The following SMC1B variants were observed in gnomAD, a reference collection of about 807,000 sequenced individuals.
The protein encoded by SMC1B is structural maintenance of chromosomes protein 1B.
Under a neutral mutation model 157.9 loss-of-function variants are expected in SMC1B, and 60 were observed. The observed-to-expected ratio is 0.38, with a 90% confidence interval of 0.31 to 0.47. The LOEUF is 0.47. Among genes scored for constraint, SMC1B ranks in the 20% least tolerant of loss-of-function variants. The pLI, the probability that SMC1B is intolerant of heterozygous loss-of-function variation, is 0.99. For missense variants in SMC1B, 1,165 were observed against 1,426.2 expected, an observed-to-expected ratio of 0.82 and a Z score of 2.95; for synonymous variants, 445 against 483.0, an observed-to-expected ratio of 0.92 and a Z score of 1.03.
Position 45,352,504 on chromosome 22 carries a change from C to G in SMC1B, c.3372G>C (p.Leu1124Phe), listed in dbSNP as rs369580912. The G allele has an allele frequency of 6.2e-7, 1 of 1,614,172 alleles. No homozygotes were observed. The highest frequency in any genetic ancestry group is 1.7e-5 in the Admixed American group (1 of 60,024). The part of the protein sequence containing the change: ...PGKRFMPMDN[L>F]SGGEKCVAAL... ...CTGCCACACACTTTTCTCCCCCTGACAAATTGTCCATTGGCATAAACCGTT... is the reference window on the plus strand; with the variant it reads ...CTGCCACACACTTTTCTCCCCCTGAGAAATTGTCCATTGGCATAAACCGTT... The change falls in exon 22 of 25, where the codon TTG becomes TTC. Residue 1124 changes from leucine to phenylalanine, a missense_variant. Coordinates refer to ENST00000357450, the MANE Select transcript of SMC1B (RefSeq NM_148674.5).
In SMC1B at chr22:45,386,949, T is replaced by C. The variant is rs917988005; in HGVS notation, c.1829A>G (p.Gln610Arg). The C allele has an allele frequency of 3.7e-6, 6 of 1,614,036 alleles. No individual in the cohort carries two copies. In the African/African-American group the frequency reaches 8.0e-5, roughly 22 times the overall value. Reference protein sequence around the residue: ...TQFPQLKKVIQFVCGNGLVCE... With the variant: ...TQFPQLKKVIRFVCGNGLVCE... ...AACAAGACCATTTCCACACACAAAC[T>C]GAATCACTTTCTTCAGCTGAGGAAA... Residue 610 changes from glutamine (Q) to arginine (R), a missense_variant, in exon 11 of 25, where the codon CAG becomes CGG. Physicochemically the swap from Gln to Arg is conservative, Grantham distance 43. Transcript: ENST00000357450.
At chr22:45,363,904 A>G (rs2086746898) in intron 15 of SMC1B, among the ~76,000 whole-genome samples, 1 of 151,130 alleles carries the variant, frequency 6.6e-6, no homozygotes, top group African/African-American at 2.4e-5. Flanking sequence ...GCTGGAATGC[A>G]GTGATGCGAT....
chr22:45,376,152 G>A (rs1327597065), intron 12 of SMC1B, among the ~76,000 whole-genome samples: 2 of 152,100 alleles, frequency 1.3e-5, no homozygotes. Context: ...TATCCACATT[G>A]TGTGCAAGCA....
At chr22:45,371,395 T>C in intron 14 of SMC1B, 76 bp downstream of exon 14, 3 of 1,435,708 alleles carry the variant, frequency 2.1e-6, no homozygotes, top group Non-Finnish European at 2.7e-6. Context: ...CTTTAGCATA[T>C]ATTTAAGAAG....
chr22:45,386,752 T>C (rs1249443287), intron 11 of SMC1B, 115 bp downstream of exon 11: 10 of 919,988 alleles, frequency 1.1e-5, no homozygotes, highest in Non-Finnish European at 1.4e-5. Flanking sequence ...TGGTTCTCTT[T>C]AGAAAAAAGA....
At chr22:45,411,566 TTTTA>T (rs1052177335) in intron 1 of SMC1B, among the ~76,000 whole-genome samples, 16 of 152,134 alleles carry the variant, frequency 1.1e-4, no homozygotes, top group Non-Finnish European at 4.4e-5. Context: ...GAACGGTGCA[TTTTA>T]TTTATTTATT....
intron 1 of SMC1B, among the ~76,000 whole-genome samples, chr22:45,412,070 G>T (rs893405147): frequency 1.3e-5 from 2 of 152,036 alleles, no homozygotes; most frequent in African/African-American, 4.8e-5. Flanking sequence ...GTACAGACAG[G>T]GGTTTCACTA....
intron 2 of SMC1B, 64 bp from the exon 3 acceptor site, chr22:45,406,929 C>G: frequency 8.9e-7 from 1 of 1,125,036 alleles, no homozygotes; most frequent in African/African-American, 1.6e-5. Flanking sequence ...CAAAATCCAC[C>G]GAAAGTTTAA....
chr22:45,367,169 G>T (rs1277814088), intron 15 of SMC1B, among the ~76,000 whole-genome samples: 3 of 152,098 alleles, frequency 2.0e-5, no homozygotes, highest in Non-Finnish European at 4.4e-5. Context: ...GTTTGCTATT[G>T]TTTCTTGTGG....
intron 2 of SMC1B, 70 bp from the exon 3 acceptor site, chr22:45,406,935 T>C: frequency 9.4e-7 from 1 of 1,065,092 alleles, no homozygotes; most frequent in South Asian, 1.9e-5. Context: ...CCACCGAAAG[T>C]TTAATAAAAT....
chr22:45,354,123 G>C lies in SMC1B; in HGVS notation c.3128C>G (p.Ala1043Gly). 1 of 1,560,812 alleles carries C rather than the reference G, an allele frequency of 6.4e-7. No homozygotes were observed. The stretch of plus-strand genomic sequence containing the variant: ...ACACAGTCTGGCTTCCTTTCTGCTG[G>C]CCTCAAAAGCTAAGAGAGAATCAAT... Reference protein sequence around the residue: ...KFQESTDAFEASRKEARLCRQ... With the variant: ...KFQESTDAFEGSRKEARLCRQ... Residue 1043 changes from alanine (A) to glycine (G), a missense_variant, in exon 21 of 25, where the codon GCC (alanine) becomes GGC (glycine). By Grantham distance (60) the Ala-to-Gly change is moderately conservative. Transcript: ENST00000357450.
At chr22:45,360,904 C>G (rs2086715155) in intron 17 of SMC1B, among the ~76,000 whole-genome samples, 1 of 151,648 alleles carries the variant, frequency 6.6e-6, no homozygotes, top group Admixed American at 6.6e-5. Context: ...CATTTTGGTA[C>G]AGGCCAGTCA....
chr22:45,396,324 A>G, intron 7 of SMC1B, 22 bp downstream of exon 7: 1 of 1,578,442 alleles, frequency 6.3e-7, no homozygotes, highest in Non-Finnish European at 8.6e-7. Context: ...ATTCTAAATC[A>G]TTACTGTACA....
intron 22 of SMC1B, among the ~76,000 whole-genome samples, chr22:45,350,806 C>T (rs1465014888): frequency 2.0e-5 from 3 of 152,264 alleles, no homozygotes; most frequent in East Asian, 3.9e-4. Flanking sequence ...ACACCCGTAC[C>T]TGTCAGCAAA....
At chr22:45,386,021 C>T (rs1160622210) in intron 11 of SMC1B, among the ~76,000 whole-genome samples, 1 of 151,882 alleles carries the variant, frequency 6.6e-6, no homozygotes, top group Admixed American at 6.6e-5. Flanking sequence ...TTTTTGAGAG[C>T]TATTTGCCAG....
At chr22:45,407,171 C>G (rs2087271566) in intron 2 of SMC1B, among the ~76,000 whole-genome samples, 1 of 152,144 alleles carries the variant, frequency 6.6e-6, no homozygotes. Context: ...AAAAGTCAAC[C>G]TGGGAACTAG....
intron 2 of SMC1B, among the ~76,000 whole-genome samples, chr22:45,407,726 G>C (rs2087279361): frequency 6.6e-6 from 1 of 152,134 alleles, no homozygotes; most frequent in South Asian, 2.1e-4. Flanking sequence ...TGGGATTACA[G>C]GCATGAGCCC....
chr22:45,390,451 T>C (rs1230712876), intron 9 of SMC1B, among the ~76,000 whole-genome samples: 4 of 151,938 alleles, frequency 2.6e-5, no homozygotes, highest in Non-Finnish European at 4.4e-5. Flanking sequence ...CTCACGCCTG[T>C]AATCCCAGCA....
At chr22:45,350,956 G>A (rs2086609804) in intron 22 of SMC1B, among the ~76,000 whole-genome samples, 2 of 152,082 alleles carry the variant, frequency 1.3e-5, no homozygotes, top group Non-Finnish European at 2.9e-5. Flanking sequence ...GCTCACTCTG[G>A]CCTCGGGGCC....
Sources: gnomAD v4.1 joint callset for allele counts (sites outside exome capture counted in the v4.1 genomes callset) on GRCh38, gnomAD v4.1.1 for gene constraint, MANE v1.5 for transcripts, NCBI Gene and HGNC (gene_info 2026-07-23, HGNC 2026-07-21) for gene names.